The following UBE2E2 variants were observed in gnomAD, a reference collection of about 807,000 sequenced individuals.
The protein encoded by UBE2E2 is ubiquitin-conjugating enzyme E2 E2.
UBE2E2 carries 6 observed loss-of-function variants against 24.7 expected under a neutral mutation model. That is an observed-to-expected ratio of 0.24 (90% CI 0.13 to 0.48). UBE2E2 has a LOEUF of 0.48. UBE2E2 is among the 20% of genes least tolerant of loss of function. The probability of loss-of-function intolerance (pLI) is 0.99; values close to 1 mark genes in which losing one functional copy is unlikely to be tolerated. For missense variants in UBE2E2, 169 were observed against 245.0 expected (o/e 0.69, Z 2.07); for synonymous variants, 104 against 83.6 (o/e 1.24, Z -1.33).
intron 3 of UBE2E2, among the ~76,000 whole-genome samples, chr3:23,301,685 C>A (rs1043475297): frequency 6.6e-6 from 1 of 152,152 alleles, no homozygotes; most frequent in African/African-American, 2.4e-5. Flanking sequence ...GGTGTCAGTC[C>A]ACCCCCTACT....
chr3:23,248,007 C>T (rs898302310), intron 3 of UBE2E2, among the ~76,000 whole-genome samples: 3 of 152,172 alleles, frequency 2.0e-5, no homozygotes, highest in Non-Finnish European at 2.9e-5. Context: ...TTAGAAAGTC[C>T]GTTGCGTATA....
chr3:23,390,790 A>G (rs1460795523), intron 3 of UBE2E2, among the ~76,000 whole-genome samples: 1 of 152,214 alleles, frequency 6.6e-6, no homozygotes, highest in Non-Finnish European at 1.5e-5. Flanking sequence ...CCCCTGTTGC[A>G]AGTCCCACAA....
intron 3 of UBE2E2, among the ~76,000 whole-genome samples, chr3:23,387,523 A>C (rs2125357395): frequency 6.6e-6 from 1 of 152,220 alleles, no homozygotes; most frequent in East Asian, 1.9e-4. Flanking sequence ...GGCCTTTTTT[A>C]AGTGAAATGA....
intron 3 of UBE2E2, among the ~76,000 whole-genome samples, chr3:23,406,559 C>T (rs1368315827): frequency 1.3e-5 from 2 of 152,128 alleles, no homozygotes; most frequent in African/African-American, 4.8e-5. Flanking sequence ...AGAAATAAGA[C>T]ATAGTAAAAC....
At chr3:23,439,735 A>G (rs1289164982) in intron 3 of UBE2E2, among the ~76,000 whole-genome samples, 1 of 152,140 alleles carries the variant, frequency 6.6e-6, no homozygotes, top group African/African-American at 2.4e-5. Flanking sequence ...TTTTATTTTA[A>G]TGTATTTAAG....
intron 3 of UBE2E2, among the ~76,000 whole-genome samples, chr3:23,262,310 G>A (rs190379559): frequency 3.9e-5 from 6 of 152,190 alleles, no homozygotes; most frequent in Non-Finnish European, 8.8e-5. Flanking sequence ...AAACAGAGTC[G>A]TGGTCTTTTT....
Position 23,416,041 on chromosome 3 carries a change from G to A in UBE2E2, c.228-83567G>A, listed in dbSNP as rs548670479. 8.3e-4 allele frequency among the ~76,000 whole-genome samples: 126 copies of A among 152,170 alleles called. No homozygotes were observed. The South Asian group carries it at 0.011, about 13-fold the overall frequency. On this transcript the variant is annotated intron_variant, in intron 3 of 5. Coordinates refer to ENST00000396703, the MANE Select transcript of UBE2E2 (RefSeq NM_152653.4). ...TACTTTGATGAGAATGATGGTTTCC[G>A]GCTTCATCCATGTCCCTACAAAGGA... is the stretch of plus-strand genomic sequence containing the variant.
At chr3:23,203,175 C>A, upstream of UBE2E2, 1 of 985,714 alleles carries the variant, frequency 1.0e-6, no homozygotes, top group South Asian at 4.5e-5. Flanking sequence ...TTCCAGGACT[C>A]AGGGGCAGCC....
Position 23,288,882 on chromosome 3 carries a change from C to T in UBE2E2, c.227+71570C>T, listed in dbSNP as rs568822346. Among the ~76,000 whole-genome samples, 20 of 152,204 alleles carry T rather than the reference C, an allele frequency of 1.3e-4. No individual in the cohort carries two copies. In the South Asian group the frequency reaches 3.3e-3, roughly 25 times the overall value. On this transcript the variant is annotated intron_variant, in intron 3 of 5. Transcript: ENST00000396703. ...TACAAAAACAAATTACTGTGCTATCCCTCCCCCAAGAATACATATTCTCTC... is the reference window on the plus strand; with the variant it reads ...TACAAAAACAAATTACTGTGCTATCTCTCCCCCAAGAATACATATTCTCTC...
chr3:23,355,365 TAAAGTA>T (rs1695912525), intron 3 of UBE2E2, among the ~76,000 whole-genome samples: 1 of 152,164 alleles, frequency 6.6e-6, no homozygotes, highest in Non-Finnish European at 1.5e-5. Flanking sequence ...CCCTAAAACT[TAAAGTA>T]TAATAATAAT....
intron 3 of UBE2E2, among the ~76,000 whole-genome samples, chr3:23,401,003 T>C (rs1387664360): frequency 6.6e-6 from 1 of 152,194 alleles, no homozygotes; most frequent in Non-Finnish European, 1.5e-5. Flanking sequence ...ATAATTAAAA[T>C]GGAATTCTGC....
intron 3 of UBE2E2, among the ~76,000 whole-genome samples, chr3:23,491,860 C>G (rs2125450068): frequency 6.6e-6 from 1 of 152,240 alleles, no homozygotes; most frequent in South Asian, 2.1e-4. Flanking sequence ...GTGCCATAAT[C>G]TAAATGAGAG....
At chr3:23,266,111 C>T (rs1281544134) in intron 3 of UBE2E2, among the ~76,000 whole-genome samples, 5 of 152,178 alleles carry the variant, frequency 3.3e-5, no homozygotes, top group African/African-American at 1.2e-4. Context: ...ATTTGCCAGT[C>T]TGTGTCTTTT....
chr3:23,428,928 T>TAAAAAAAA, intron 3 of UBE2E2, among the ~76,000 whole-genome samples: 1 of 75,888 alleles, frequency 1.3e-5, no homozygotes, highest in Non-Finnish European at 2.4e-5. Context: ...CTCTGTCTCT[T>TAAAAAAAA]AAAAAAAAAA....
chr3:23,478,635 TA>T (rs1464648324), intron 3 of UBE2E2, among the ~76,000 whole-genome samples: 2 of 150,212 alleles, frequency 1.3e-5, no homozygotes, highest in African/African-American at 5.1e-5. Context: ...TGGTCTTTAC[TA>T]AAGTAGCAAA....
At chr3:23,472,640 T>G (rs1699052962) in intron 3 of UBE2E2, among the ~76,000 whole-genome samples, 2 of 151,886 alleles carry the variant, frequency 1.3e-5, no homozygotes, top group African/African-American at 4.8e-5. Context: ...CATTTATTAT[T>G]AAATCTGTAA....
rs1288595601 is a variant in UBE2E2 at position 23,375,484 on chromosome 3, C to T, written c.228-124124C>T. On this transcript the variant is annotated intron_variant, in intron 3 of 5. Transcript: ENST00000396703. ...CATCCTCAATGAATTTATAATCTGG[C>T]GAGAAGACTTGGACAGCAATACATA... is the stretch of plus-strand genomic sequence containing the variant. Among the ~76,000 whole-genome samples the T allele has an allele frequency of 4.6e-5, 7 of 152,066 alleles. No homozygotes were observed. In the South Asian group the frequency reaches 6.2e-4, roughly 14 times the overall value.
chr3:23,400,623 C>CACACACACACACAT (rs1553608502), intron 3 of UBE2E2, among the ~76,000 whole-genome samples: 3,815 of 151,246 alleles, frequency 0.025, 86 homozygotes, highest in East Asian at 0.1. Flanking sequence ...CACACACACA[C>CACACACACACACAT]ACACACACAC....
chr3:23,568,733 AC>A lies in UBE2E2; in HGVS notation c.509-21000del, dbSNP rs1248425129. Among the ~76,000 whole-genome samples the A allele has an allele frequency of 2.1e-3, 267 of 125,116 alleles. 1 individual carries two copies. Among genetic ancestry groups the A allele is most frequent in the African/African-American group, 7.3e-3 (221 of 30,384 alleles). The allele number at this position is 125,116 out of a possible 152,430, so 82.1% of individuals were successfully genotyped here. A position where few individuals can be genotyped will look rare whatever the true frequency, so the allele number is the denominator to read the frequency against. On this transcript the variant is annotated intron_variant, in intron 5 of 5. Coordinates refer to ENST00000396703, the MANE Select transcript of UBE2E2 (RefSeq NM_152653.4). ...CATGTATATACACATATATATGTAT[AC>A]ATATATATATATATATGTATAACAC...
Sources: allele counts gnomAD v4.1 joint callset (sites outside exome capture counted in the v4.1 genomes callset), GRCh38; gene constraint gnomAD v4.1.1; transcripts MANE v1.5; gene names NCBI Gene and HGNC (gene_info 2026-07-23, HGNC 2026-07-21).